RNF150: variants seen among roughly 807,000 people sequenced by gnomAD.
The protein encoded by RNF150 is ring finger protein 150.
Under a neutral mutation model 39.3 loss-of-function variants are expected in RNF150, and 24 were observed. The observed-to-expected ratio is 0.61, with a 90% CI of 0.44 to 0.86. The LOEUF (loss-of-function observed/expected upper bound fraction) is 0.86, where lower values mean the gene tolerates loss of function less well. Ranked by LOEUF, RNF150 falls within the 40% of genes least tolerant of loss-of-function variation. The pLI is 0.00. For missense variants in RNF150, 502 were observed against 587.8 expected, an observed-to-expected ratio of 0.85 and a Z score of 1.51; for synonymous variants, 255 against 227.3, an observed-to-expected ratio of 1.12 and a Z score of -1.10.
intron 1 of RNF150, among the ~76,000 whole-genome samples, chr4:141,203,545 G>A (rs1728323545): frequency 3.3e-5 from 5 of 151,908 alleles, no homozygotes; most frequent in Admixed American, 1.3e-4. Context: ...GATAGACAAG[G>A]ATTACTTCAA....
At chr4:140,925,009 T>A (rs571400768) in intron 5 of RNF150, among the ~76,000 whole-genome samples, 1 of 152,220 alleles carries the variant, frequency 6.6e-6, no homozygotes, top group Non-Finnish European at 1.5e-5. Context: ...GATCTGATCC[T>A]TCTTCAGTGA....
chr4:141,022,219 T>C (rs1408713727), intron 1 of RNF150, among the ~76,000 whole-genome samples: 2 of 151,850 alleles, frequency 1.3e-5, no homozygotes, highest in Middle Eastern at 3.2e-3. Flanking sequence ...GTTTTTTTTA[T>C]TTTTTATTCT....
intron 1 of RNF150, among the ~76,000 whole-genome samples, chr4:141,119,842 A>G (rs1726552975): frequency 6.6e-6 from 1 of 152,232 alleles, no homozygotes; most frequent in Non-Finnish European, 1.5e-5. Flanking sequence ...TAGCGAGTAG[A>G]TGAATCTCTT....
Position 140,900,842 on chromosome 4 carries a change from C to T in RNF150, c.1198+10302G>A, listed in dbSNP as rs922602482. ...ACTTTATATATATATATATACATAT[C>T]GATTCATTTAGCCTTCACAACAAAC... On this transcript the variant is annotated intron_variant, in intron 6 of 6. Coordinates refer to ENST00000515673, the MANE Select transcript of RNF150 (RefSeq NM_020724.2). Among the ~76,000 whole-genome samples the T allele has an allele frequency of 4.0e-5, 6 of 151,558 alleles. No homozygotes were observed. In the South Asian group the frequency reaches 6.3e-4, roughly 16 times the overall value.
chr4:141,185,788 CAT>C (rs1232952282), intron 1 of RNF150, among the ~76,000 whole-genome samples: 1 of 152,190 alleles, frequency 6.6e-6, no homozygotes, highest in African/African-American at 2.4e-5. Flanking sequence ...TTGAGATAAT[CAT>C]GTGGTTTTTG....
chr4:141,206,014 T>C (rs1728367920), intron 1 of RNF150, among the ~76,000 whole-genome samples: 1 of 152,216 alleles, frequency 6.6e-6, no homozygotes, highest in Admixed American at 6.5e-5. Flanking sequence ...AATTCACTCA[T>C]GATCACTCTT....
intron 1 of RNF150, among the ~76,000 whole-genome samples, chr4:141,044,169 T>C (rs571447349): frequency 6.6e-6 from 1 of 152,350 alleles, no homozygotes; most frequent in East Asian, 1.9e-4. Flanking sequence ...TTAGAGAGGA[T>C]GCCTTCTGGA....
At chr4:140,929,072 A>G (rs891690572) in intron 4 of RNF150, among the ~76,000 whole-genome samples, 1 of 152,192 alleles carries the variant, frequency 6.6e-6, no homozygotes, top group African/African-American at 2.4e-5. Flanking sequence ...CCTGGGAAAA[A>G]GGCAAACGCT....
At chr4:140,988,832 G>A (rs1187425116) in intron 1 of RNF150, among the ~76,000 whole-genome samples, 1 of 152,054 alleles carries the variant, frequency 6.6e-6, no homozygotes, top group Non-Finnish European at 1.5e-5. Flanking sequence ...CATAAAAAAT[G>A]ATGAGTTCAT....
rs143606160 is a variant in RNF150, at chr4:140,924,162, G to A, written c.987+1815C>T. Among the ~76,000 whole-genome samples, 188 of 152,152 alleles carry A rather than the reference G, an allele frequency of 1.2e-3. 1 individual carries two copies. The highest frequency in any genetic ancestry group is 4.3e-3 in the African/African-American group (177 of 41,520). ...ACCAAATCCAAAAGATGCTACTGAT[G>A]TTTATTTTTCTGACAGTTCATTGTG... On this transcript the variant is annotated intron_variant, in intron 5 of 6. Transcript: ENST00000515673.
At chr4:141,209,185 G>C (rs943844126) in intron 1 of RNF150, among the ~76,000 whole-genome samples, 1 of 151,738 alleles carries the variant, frequency 6.6e-6, no homozygotes, top group Non-Finnish European at 1.5e-5. Flanking sequence ...TGCGTTTCCC[G>C]ACACCCACCA....
At chr4:141,027,952 T>TCTTTTG (rs1735785883) in intron 1 of RNF150, among the ~76,000 whole-genome samples, 1 of 71,578 alleles carries the variant, frequency 1.4e-5, no homozygotes, top group Non-Finnish European at 2.9e-5. Flanking sequence ...TTTTTTTTTT[T>TCTTTTG]CAATCCTGCT....
chr4:140,929,468 G>A (rs1449324327), intron 4 of RNF150, among the ~76,000 whole-genome samples: 4 of 139,702 alleles, frequency 2.9e-5, no homozygotes, highest in Non-Finnish European at 4.5e-5. Context: ...CTGGGTTCAC[G>A]CCATTCTCCT....
chr4:141,034,543 C>G (rs574336617), intron 1 of RNF150, among the ~76,000 whole-genome samples: 88 of 152,244 alleles, frequency 5.8e-4, no homozygotes, highest in Middle Eastern at 3.4e-3. Flanking sequence ...GTTTAAGAGG[C>G]CTAGTTTTCA....
intron 6 of RNF150, among the ~76,000 whole-genome samples, chr4:140,905,904 T>C (rs1199439033): frequency 6.6e-6 from 1 of 152,064 alleles, no homozygotes; most frequent in Non-Finnish European, 1.5e-5. Context: ...ATGTGGGTCC[T>C]ACCCAAAAGG....
Position 140,879,175 on chromosome 4 carries a change from G to T in RNF150, c.1199-10796C>A, listed in dbSNP as rs1195542461. Among the ~76,000 whole-genome samples, 7 of 152,284 alleles carry T rather than the reference G, an allele frequency of 4.6e-5. No individual in the cohort carries two copies. The East Asian group carries it at 1.4e-3, about 29-fold the overall frequency. ...AATATGTTTTGAAATTAGGAAGTGT[G>T]AGGCCTTCAATTTTGTTCTTCTTTC... On this transcript the variant is annotated intron_variant, in intron 6 of 6. Coordinates refer to ENST00000515673, the MANE Select transcript of RNF150 (RefSeq NM_020724.2).
chr4:141,140,813 T>C (rs186847632), intron 1 of RNF150, among the ~76,000 whole-genome samples: 2 of 152,332 alleles, frequency 1.3e-5, no homozygotes, highest in African/African-American at 4.8e-5. Flanking sequence ...TTTAGAAGGA[T>C]GTTTTCATAA....
chr4:141,032,194 C>T (rs962170073), intron 1 of RNF150, among the ~76,000 whole-genome samples: 3 of 151,908 alleles, frequency 2.0e-5, no homozygotes, highest in African/African-American at 7.3e-5. Flanking sequence ...GAAGGACAAA[C>T]ATTACATGAC....
At chr4:140,999,345 T>C (rs933737195) in intron 1 of RNF150, among the ~76,000 whole-genome samples, 1 of 152,196 alleles carries the variant, frequency 6.6e-6, no homozygotes, top group African/African-American at 2.4e-5. Flanking sequence ...AATATTCTTG[T>C]TTTTGACCCT....
Sources: gnomAD v4.1 joint callset for allele counts (sites outside exome capture counted in the v4.1 genomes callset) on GRCh38, gnomAD v4.1.1 for gene constraint, MANE v1.5 for transcripts, NCBI Gene and HGNC (gene_info 2026-07-23, HGNC 2026-07-21) for gene names.